Variants in PHLDB3 observed in about 807,000 individuals in gnomAD.
PHLDB3 encodes the protein pleckstrin homology like domain family B member 3.
In PHLDB3, 86 loss-of-function variants were observed where a neutral mutation model predicts 85.7. That is an observed-to-expected ratio of 1.00 (90% confidence interval 0.84 to 1.20). The LOEUF (loss-of-function observed/expected upper bound fraction) is 1.20, where lower values mean the gene tolerates loss of function less well. Ranked by LOEUF, PHLDB3 falls within the 50% of genes most tolerant of loss-of-function variation. The pLI, the probability that PHLDB3 is intolerant of heterozygous loss-of-function variation, is 0.00. For synonymous variants in PHLDB3, 376 were observed against 349.8 expected (o/e 1.07, Z -0.83); for missense variants, 995 against 873.0 (o/e 1.14, Z -1.76).
At chr19:43,494,971 A>G (rs528320413) in intron 8 of PHLDB3, among the ~76,000 whole-genome samples, 156 bp from the exon 9 acceptor site, 5 of 152,012 alleles carry the variant, frequency 3.3e-5, no homozygotes, top group East Asian at 1.9e-4. Flanking sequence ...CAGTCTCCCA[A>G]TGTAGGGCTG....
In PHLDB3 at chr19:43,475,545, C is replaced by A; in HGVS notation, c.1789-1G>T. 6.2e-7 allele frequency: 1 copy of A among 1,613,816 alleles called. No individual in the cohort carries two copies. Among genetic ancestry groups the A allele is most frequent in the Middle Eastern group, 1.7e-4 (1 of 6,060 alleles). The stretch of plus-strand genomic sequence containing the variant: ...AGAAGGTCAGGCGGGGGTTGGGGCT[C>A]TGGAATAAGCAGAAAGTGAGGGTAA... On this transcript the variant is annotated splice_acceptor_variant, in intron 15 of 15. Coordinates refer to ENST00000292140, the MANE Select transcript of PHLDB3 (RefSeq NM_198850.4). LOFTEE classifies it high-confidence loss of function.
rs367616579 is a variant in PHLDB3, at chr19:43,478,060, C to T, written c.1775G>A (p.Arg592His). ...AIEEVYYDHL[R>H]CAFKSPNPRL... Reference sequence around the variant, plus strand: ...GAGGGGCTTCACCTTGAAGGCACAGCGTAAGTGGTCATAATAGACTTCCTC... The same window carrying T: ...GAGGGGCTTCACCTTGAAGGCACAGTGTAAGTGGTCATAATAGACTTCCTC... The change falls in exon 15 of 16, where the codon CGC becomes CAC. Residue 592 changes from arginine to histidine, a missense_variant. Transcript: ENST00000292140. The T allele has an allele frequency of 5.0e-5, 80 of 1,612,622 alleles. No individual in the cohort carries two copies. Among genetic ancestry groups the T allele is most frequent in the African/African-American group, 9.4e-5 (7 of 74,858 alleles).
chr19:43,501,311 G>A (rs12460021), intron 4 of PHLDB3, among the ~76,000 whole-genome samples: 29,950 of 150,524 alleles, frequency 0.2, 3,150 homozygotes, highest in African/African-American at 0.25. Flanking sequence ...AGCCTCCCAA[G>A]TAGCTGGGAC....
rs1971015384 is a variant in PHLDB3, at chr19:43,480,237, G to A, written c.1486-644C>T. On this transcript the variant is annotated intron_variant, in intron 13 of 15. Coordinates refer to ENST00000292140, the MANE Select transcript of PHLDB3 (RefSeq NM_198850.4). ...ATCCCAGAAGTTGGAAACCAGCCTG[G>A]GCAACACAGAAGACCCCTTCTCTAT... is the stretch of plus-strand genomic sequence containing the variant. Among the ~76,000 whole-genome samples, 3 of 144,786 alleles carry A rather than the reference G, an allele frequency of 2.1e-5. No individual in the cohort carries two copies. In the South Asian group the frequency reaches 6.5e-4, roughly 32 times the overall value. 95.0% of individuals were successfully genotyped at this position (144,786 alleles called of 152,430 possible). A position where few individuals can be genotyped will look rare whatever the true frequency, so the allele number is the denominator to read the frequency against.
In PHLDB3 at chr19:43,475,134, T is replaced by A; in HGVS notation, c.*276A>T. On this transcript the variant is annotated 3_prime_UTR_variant, in exon 16 of 16. Transcript: ENST00000292140. The stretch of plus-strand genomic sequence containing the variant: ...TTTTTCCTCCGTATTTAATTCGGTA[T>A]CACAGGAGCACCAATAAATAGTTTC... The A allele has an allele frequency of 2.9e-6, 1 of 349,438 alleles. No individual in the cohort carries two copies. The highest frequency in any genetic ancestry group is 5.3e-6 in the Non-Finnish European group (1 of 188,824). 21.6% of individuals were successfully genotyped at this position (349,438 alleles called of 1,614,324 possible). A position where few individuals can be genotyped will look rare whatever the true frequency, so the allele number is the denominator to read the frequency against.
chr19:43,500,660 A>G (rs1422462420), intron 4 of PHLDB3, among the ~76,000 whole-genome samples: 2 of 152,134 alleles, frequency 1.3e-5, no homozygotes, highest in Non-Finnish European at 2.9e-5. Flanking sequence ...TTTTTGAGAC[A>G]GGGTCTTGCT....
At chr19:43,495,045 TGGGGCTGGGGCCTG>T (rs1971411988) in intron 8 of PHLDB3, among the ~76,000 whole-genome samples, 197 bp downstream of exon 8, 2 of 88,110 alleles carry the variant, frequency 2.3e-5, no homozygotes, top group African/African-American at 4.5e-5. Flanking sequence ...CTGAGGGAGG[TGGGGCTGGGGCCTG>T]GACTCCTGGG....
intron 15 of PHLDB3, among the ~76,000 whole-genome samples, chr19:43,475,795 A>T (rs1055429560): frequency 4.0e-5 from 6 of 151,650 alleles, no homozygotes; most frequent in Non-Finnish European, 8.8e-5. Context: ...GGCAAGATAA[A>T]TTTTTTTTCT....
At chr19:43,500,033 A>T (rs1222816271) in intron 4 of PHLDB3, among the ~76,000 whole-genome samples, 2 of 152,084 alleles carry the variant, frequency 1.3e-5, no homozygotes, top group Non-Finnish European at 2.9e-5. Context: ...TGAGGTCAGG[A>T]GTTCGAGACC....
intron 13 of PHLDB3, among the ~76,000 whole-genome samples, chr19:43,484,604 C>T (rs1247497062): frequency 1.3e-5 from 2 of 151,954 alleles, no homozygotes; most frequent in Non-Finnish European, 2.9e-5. Context: ...CCCAGCTACT[C>T]GGGAGGCTGA....
At chr19:43,490,105 G>C (rs914615450) in intron 9 of PHLDB3, among the ~76,000 whole-genome samples, 1 of 151,972 alleles carries the variant, frequency 6.6e-6, no homozygotes, top group Non-Finnish European at 1.5e-5. Context: ...AACATTGGTG[G>C]AACAACTGAC....
intron 9 of PHLDB3, among the ~76,000 whole-genome samples, chr19:43,488,588 T>A (rs1339365661): frequency 4.6e-5 from 7 of 152,022 alleles, no homozygotes; most frequent in South Asian, 2.1e-4. Context: ...TTGGCTTTTT[T>A]AAAAAAAATC....
chr19:43,477,969 A>G (rs1287113001), intron 15 of PHLDB3, 78 bp downstream of exon 15: 1 of 1,194,758 alleles, frequency 8.4e-7, no homozygotes, highest in Non-Finnish European at 1.2e-6. Context: ...TTTCCCCAGG[A>G]TGAGCCAGGG....
At chr19:43,500,923 C>CCCCCCCCCCCCCCCA (rs1555757872) in intron 4 of PHLDB3, among the ~76,000 whole-genome samples, 2 of 105,760 alleles carry the variant, frequency 1.9e-5, no homozygotes, top group Admixed American at 9.0e-5. Flanking sequence ...CCCCCCCACC[C>CCCCCCCCCCCCCCCA]CGCAAGTACT....
chr19:43,475,862 C>G (rs1259673346), intron 15 of PHLDB3, among the ~76,000 whole-genome samples: 1 of 151,990 alleles, frequency 6.6e-6, no homozygotes, highest in Non-Finnish European at 1.5e-5. Context: ...GTGGCGCAAT[C>G]TTGGCTCACT....
Position 43,479,535 on chromosome 19 carries a change from A to G in PHLDB3, c.1544T>C (p.Leu515Pro). The G allele has an allele frequency of 7.7e-7, 1 of 1,304,018 alleles. No individual in the cohort carries two copies. Among genetic ancestry groups the G allele is most frequent in the Non-Finnish European group, 1.0e-6 (1 of 993,288 alleles). The allele number at this position is 1,304,018 out of a possible 1,614,324, so 80.8% of individuals were successfully genotyped here. A position where few individuals can be genotyped will look rare whatever the true frequency, so the allele number is the denominator to read the frequency against. The change falls in exon 14 of 16, where the codon CTG becomes CCG. Residue 515 changes from leucine to proline, a missense_variant. Transcript: ENST00000292140. Reference sequence around the variant, plus strand: ...TTCCGGGTTGTGGCCCCATCCCTCCAGATGCTGCCGGAGATCCAAGATTCG... The same window carrying G: ...TTCCGGGTTGTGGCCCCATCCCTCCGGATGCTGCCGGAGATCCAAGATTCG... ...GPRILDLRQH[L>P]EGWGHNPENC...
At chr19:43,488,383 G>C (rs35729287) in intron 9 of PHLDB3, among the ~76,000 whole-genome samples, 1 of 151,710 alleles carries the variant, frequency 6.6e-6, no homozygotes, top group Admixed American at 6.6e-5. Context: ...CTTGAACCCC[G>C]GAGGTCAAGG....
rs1555754919 is a variant in PHLDB3 at position 43,487,585 on chromosome 19, A to AAAAAAAAC, written c.1150-470_1150-463dup. Among the ~76,000 whole-genome samples the AAAAAAAAC allele has an allele frequency of 9.9e-4, 140 of 141,706 alleles. 12 individuals carry two copies. The South Asian group carries it at 0.013, about 13-fold the overall frequency. 93.0% of individuals were successfully genotyped at this position (141,706 alleles called of 152,430 possible). On this transcript the variant is annotated intron_variant, in intron 9 of 15. Transcript: ENST00000292140. ...GCAAGACTCTGTCTCAAAAAAAAAA[A>AAAAAAAAC]AAAAAAACACAGAAAAGAAAAAAAG...
intron 9 of PHLDB3, 143 bp from the exon 10 acceptor site, chr19:43,487,266 G>A (rs1394577983): frequency 4.4e-6 from 3 of 683,122 alleles, no homozygotes. Flanking sequence ...CCTCACAGGG[G>A]TATGATCCCG....
Sources: allele counts gnomAD v4.1 joint callset (sites outside exome capture counted in the v4.1 genomes callset), GRCh38; gene constraint gnomAD v4.1.1; transcripts MANE v1.5; gene names NCBI Gene and HGNC (gene_info 2026-07-23, HGNC 2026-07-21).